The following MTMR1 variants were observed in gnomAD, a reference collection of about 807,000 sequenced individuals.
MTMR1 encodes phosphatidylinositol-3-phosphate phosphatase MTMR1.
MTMR1 carries 17 observed loss-of-function variants against 51.6 expected under a neutral mutation model. The observed-to-expected ratio is 0.33, with a 90% CI of 0.23 to 0.49. The LOEUF (loss-of-function observed/expected upper bound fraction) is 0.49. Ranked by LOEUF, MTMR1 falls within the 20% of genes least tolerant of loss-of-function variation. The pLI, the probability that MTMR1 is intolerant of heterozygous loss-of-function variation, is 0.99. For missense variants in MTMR1, 386 were observed against 526.9 expected, an observed-to-expected ratio of 0.73 and a Z score of 2.62; for synonymous variants, 201 against 205.6, an observed-to-expected ratio of 0.98 and a Z score of 0.19.
At chrX:150,735,772 T>A (rs781800339) in intron 10 of MTMR1, 3 of 283,442 alleles carry the variant, frequency 1.1e-5, no homozygotes, top group Non-Finnish European at 1.8e-5. Flanking sequence ...CCATTTTTTG[T>A]GGTGAGAACA....
chrX:150,762,033 C>T (rs868954267), intron 15 of MTMR1, among the ~76,000 whole-genome samples: 3 of 112,553 alleles, frequency 2.7e-5, no homozygotes, highest in South Asian at 3.7e-4. Flanking sequence ...CTGCCCGCTC[C>T]GGGGGGCTTC....
At chrX:150,705,020 T>C (rs1332797076) in intron 2 of MTMR1, among the ~76,000 whole-genome samples, 1 of 107,441 alleles carries the variant, frequency 9.3e-6, no homozygotes, top group Admixed American at 9.9e-5. Context: ...AATAGAGAAG[T>C]TTCCACAAAG....
At chrX:150,737,192 T>G in intron 11 of MTMR1, 50 bp from the exon 12 acceptor site, 3 of 1,103,779 alleles carry the variant, frequency 2.7e-6, no homozygotes, top group Non-Finnish European at 3.7e-6. Context: ...TGTTTTACAT[T>G]TAATTGAAAT....
chrX:150,705,977 T>A (rs2041087973), intron 2 of MTMR1, among the ~76,000 whole-genome samples: 2 of 112,061 alleles, frequency 1.8e-5, no homozygotes, highest in Admixed American at 1.9e-4. Flanking sequence ...TCTTAGTCCG[T>A]TTGCTGCTGC....
intron 4 of MTMR1, among the ~76,000 whole-genome samples, chrX:150,721,995 C>A (rs782749850): frequency 8.9e-6 from 1 of 111,960 alleles, no homozygotes; most frequent in South Asian, 3.7e-4. Context: ...TTGATTTCTT[C>A]TTTGACCCTT....
chrX:150,734,647 C>T (rs1163171576), intron 10 of MTMR1, among the ~76,000 whole-genome samples: 8 of 112,627 alleles, frequency 7.1e-5, no homozygotes, highest in African/African-American at 2.6e-4. Context: ...AGAGACAGGA[C>T]ACTAAATTGT....
chrX:150,742,834 A>AG (rs1275917611), intron 12 of MTMR1, among the ~76,000 whole-genome samples: 13 of 101,879 alleles, frequency 1.3e-4, no homozygotes, highest in Non-Finnish European at 1.9e-4. Flanking sequence ...AAAAAAAAAA[A>AG]AAAGAAAGAA....
intron 4 of MTMR1, among the ~76,000 whole-genome samples, chrX:150,722,899 T>C (rs1000747201): frequency 3.1e-4 from 34 of 109,401 alleles, no homozygotes; most frequent in Non-Finnish European, 3.6e-4. Context: ...ATGTGCACAA[T>C]GTGCAGGTTA....
chrX:150,718,800 C>A, intron 4 of MTMR1, 100 bp downstream of exon 4: 6 of 804,167 alleles, frequency 7.5e-6, no homozygotes, highest in Non-Finnish European at 1.1e-5. Flanking sequence ...TCCGCCAGAC[C>A]AACTTAATTA....
At chrX:150,693,316 G>A, upstream of MTMR1, 1 of 312,793 alleles carries the variant, frequency 3.2e-6, no homozygotes, top group Non-Finnish European at 4.2e-6. Context: ...CGCCGGCCCC[G>A]CGCGCCGCCC....
chrX:150,695,931 G>C (rs73620699), intron 1 of MTMR1, among the ~76,000 whole-genome samples: 1,391 of 111,759 alleles, frequency 0.012, 41 homozygotes, highest in Admixed American at 0.12. Flanking sequence ...CAGATGTGAG[G>C]GGGGAGTGCC....
intron 9 of MTMR1, among the ~76,000 whole-genome samples, 196 bp downstream of exon 9, chrX:150,731,815 C>T (rs1048992441): frequency 1.8e-5 from 2 of 111,915 alleles, no homozygotes; most frequent in South Asian, 3.7e-4. Flanking sequence ...CCCTCTTTTA[C>T]GATTTCCTAT....
chrX:150,752,115 G>A (rs1024199752), intron 14 of MTMR1, among the ~76,000 whole-genome samples: 25 of 109,270 alleles, frequency 2.3e-4, no homozygotes, highest in African/African-American at 7.0e-4. Flanking sequence ...ACAGGGTTTC[G>A]CCATGTTGGG....
At chrX:150,734,910 G>T (rs782327823) in intron 10 of MTMR1, among the ~76,000 whole-genome samples, 20 of 112,309 alleles carry the variant, frequency 1.8e-4, no homozygotes, top group Non-Finnish European at 3.8e-5. Flanking sequence ...ACCTCAGAAT[G>T]TGACCTTATT....
chrX:150,745,248 C>T (rs782302537), intron 13 of MTMR1, among the ~76,000 whole-genome samples: 10 of 112,106 alleles, frequency 8.9e-5, no homozygotes, highest in South Asian at 3.8e-4. Flanking sequence ...GTGCCTGCTG[C>T]GCAACCTGGC....
At chrX:150,762,543 G>A (rs1603277894) in intron 15 of MTMR1, 22 bp from the exon 16 acceptor site, 1 of 1,211,660 alleles carries the variant, frequency 8.3e-7, no homozygotes, top group Non-Finnish European at 1.1e-6. Flanking sequence ...TGATAATGCA[G>A]CTTTGTCTCT....
intron 12 of MTMR1, among the ~76,000 whole-genome samples, chrX:150,742,816 C>CAAAAAA (rs1159891625): frequency 1.4e-4 from 3 of 21,698 alleles, no homozygotes; most frequent in African/African-American, 3.6e-4. Flanking sequence ...GACTCCATCT[C>CAAAAAA]AAAAAAAAAA....
At chrX:150,713,117 G>A in intron 3 of MTMR1, 1 of 243,152 alleles carries the variant, frequency 4.1e-6, no homozygotes, top group Non-Finnish European at 6.6e-6. Context: ...AGCAAGCTAA[G>A]TCTTGTTATT....
chrX:150,698,680 G>GCGCGCGCACA (rs1491104991), intron 1 of MTMR1, among the ~76,000 whole-genome samples: 1 of 62,989 alleles, frequency 1.6e-5, no homozygotes, highest in East Asian at 4.6e-4. Context: ...ACACGCGCGC[G>GCGCGCGCACA]CACACACACA....
Sources: allele counts gnomAD v4.1 joint callset (sites outside exome capture counted in the v4.1 genomes callset), GRCh38; gene constraint gnomAD v4.1.1; transcripts MANE v1.5; gene names NCBI Gene and HGNC (gene_info 2026-07-23, HGNC 2026-07-21).